SPTA1: variants seen among roughly 807,000 people sequenced by gnomAD.
SPTA1 encodes spectrin alpha, erythrocytic 1, also known as spectrin alpha chain, erythrocytic 1.
SPTA1 carries 177 observed loss-of-function variants against 324.7 expected under a neutral mutation model. The observed-to-expected ratio is 0.55, with a 90% CI of 0.48 to 0.62. The LOEUF (loss-of-function observed/expected upper bound fraction) is 0.62, where lower values mean the gene tolerates loss of function less well. SPTA1 is among the 20% of genes least tolerant of loss of function. The probability of loss-of-function intolerance (pLI) is 0.00; values close to 1 mark genes in which losing one functional copy is unlikely to be tolerated. For missense variants in SPTA1, 3,162 were observed against 2,883.6 expected (o/e 1.10, Z -2.21); for synonymous variants, 1,195 against 1,041.3 (o/e 1.15, Z -2.84).
In SPTA1 at chr1:158,626,893, C is replaced by G; in HGVS notation, c.5779G>C (p.Asp1927His). 6.2e-7 allele frequency: 1 copy of G among 1,613,856 alleles called. No individual in the cohort carries two copies. The highest frequency in any genetic ancestry group is 1.1e-5 in the South Asian group (1 of 91,084). ...IAAWKLQLED[D>H]YAFQEFNWKA... ...CAGTTGAATTCCTGAAAGGCATAAT[C>G]GTCTTCCAATTGCAACTTCCAAGCA... Residue 1927 changes from aspartate to histidine, a missense_variant, in exon 41 of 52, where the codon GAT becomes CAT. Transcript: ENST00000643759.
rs187965725 is a variant in SPTA1, at chr1:158,684,321, G to T, written c.264+787C>A. On this transcript the variant is annotated intron_variant, in intron 2 of 51. Coordinates refer to ENST00000643759, the MANE Select transcript of SPTA1 (RefSeq NM_003126.4). ...ACTAAATTGGATTTTAGTTAACCTG[G>T]TTAACTCTTATATTTCTGAGAAGAG... 2.0e-4 allele frequency among the ~76,000 whole-genome samples: 31 copies of T among 152,074 alleles called. No individual in the cohort carries two copies. In the East Asian group the frequency reaches 5.6e-3, roughly 28 times the overall value.
chr1:158,683,318 C>T (rs1246510809), intron 3 of SPTA1, 53 bp downstream of exon 3: 7 of 1,611,060 alleles, frequency 4.3e-6, no homozygotes, highest in Middle Eastern at 1.6e-4. Context: ...TCAGTTAAAA[C>T]CCTGATAACA....
In SPTA1 at chr1:158,668,011, C is replaced by G; in HGVS notation, c.1885G>C (p.Glu629Gln). ...AGCTGGGTCTTATTAACTGCCAACT[C>G]CTTTTCAAAGACTTGCTGCTTTTGA... ...RVQKQQVFEK[E>Q]LAVNKTQLEN... Residue 629 changes from glutamate to glutamine, a missense_variant, in exon 15 of 52, where the codon GAG becomes CAG. Transcript: ENST00000643759. The G allele has an allele frequency of 6.2e-7, 1 of 1,613,360 alleles. No homozygotes were observed. The highest frequency in any genetic ancestry group is 8.5e-7 in the Non-Finnish European group (1 of 1,179,918).
At position 158,686,641 on chromosome 1, in the gene SPTA1, G is replaced by GTA; in HGVS notation, c.-125_-124insTA. 7 of 693,234 alleles carry GTA rather than the reference G, an allele frequency of 1.0e-5. No homozygotes were observed. The highest frequency in any genetic ancestry group is 5.4e-5 in the East Asian group (2 of 36,802). The allele number at this position is 693,234 out of a possible 1,614,324, so 42.9% of individuals were successfully genotyped here. A position where few individuals can be genotyped will look rare whatever the true frequency, so the allele number is the denominator to read the frequency against. On this transcript the variant is annotated 5_prime_UTR_variant, in exon 1 of 52. The change abolishes the stop of an existing upstream ORF in the 5' untranslated region. Coordinates refer to ENST00000643759, the MANE Select transcript of SPTA1 (RefSeq NM_003126.4). Reference sequence around the variant, plus strand: ...AATATAGAAACGTTAAGTATGTGGGGGAAAAAAAAAAACCTCTTGCTTGGT... The same window carrying GTA: ...AATATAGAAACGTTAAGTATGTGGGGTAGAAAAAAAAAAACCTCTTGCTTGGT...
chr1:158,659,652 G>A (rs1298252738), intron 18 of SPTA1, among the ~76,000 whole-genome samples: 2 of 104,218 alleles, frequency 1.9e-5, no homozygotes, highest in South Asian at 3.6e-4. Flanking sequence ...CGCCCAGGCC[G>A]GACTGCGGAC....
At chr1:158,683,984 C>A (rs1279192951) in intron 2 of SPTA1, among the ~76,000 whole-genome samples, 1 of 151,646 alleles carries the variant, frequency 6.6e-6, no homozygotes, top group East Asian at 1.9e-4. Flanking sequence ...ATTATGACAA[C>A]ACCACATGCT....
At chr1:158,637,676 T>C (rs1557941577) in intron 36 of SPTA1, among the ~76,000 whole-genome samples, 1 of 152,210 alleles carries the variant, frequency 6.6e-6, no homozygotes, top group Non-Finnish European at 1.5e-5. Flanking sequence ...TCATATAAGA[T>C]ATACTGGATA....
chr1:158,619,126 C>T (rs7553252), intron 45 of SPTA1, 96 bp downstream of exon 45: 1 of 1,187,592 alleles, frequency 8.4e-7, no homozygotes, highest in Non-Finnish European at 1.3e-6. Flanking sequence ...AATACATGCT[C>T]TCAGAGTCTC....
At chr1:158,662,046 C>T (rs1297443129) in intron 17 of SPTA1, among the ~76,000 whole-genome samples, 2 of 152,184 alleles carry the variant, frequency 1.3e-5, no homozygotes, top group Non-Finnish European at 2.9e-5. Flanking sequence ...TTCTTTCTTA[C>T]TACTTCCCAT....
At chr1:158,680,199 A>G (rs967835613) in intron 5 of SPTA1, among the ~76,000 whole-genome samples, 68 of 152,304 alleles carry the variant, frequency 4.5e-4, no homozygotes, top group African/African-American at 1.6e-3. Context: ...TGATAGCTCA[A>G]CATTATTTTA....
At chr1:158,661,176 A>G in intron 18 of SPTA1, 111 bp downstream of exon 18, 2 of 1,546,548 alleles carry the variant, frequency 1.3e-6, no homozygotes, top group Non-Finnish European at 1.8e-6. Context: ...ATTAAGTGGG[A>G]AAATGAGTCA....
intron 20 of SPTA1, among the ~76,000 whole-genome samples, chr1:158,656,185 A>G (rs1024611203): frequency 1.3e-5 from 2 of 152,188 alleles, no homozygotes; most frequent in Non-Finnish European, 2.9e-5. Flanking sequence ...TCATACTTAC[A>G]TATAGTAGAC....
chr1:158,665,806 G>A (rs1371633961), intron 16 of SPTA1, among the ~76,000 whole-genome samples: 2 of 152,078 alleles, frequency 1.3e-5, no homozygotes, highest in African/African-American at 4.8e-5. Context: ...ACCTGAACAG[G>A]AAAAGACAAC....
chr1:158,615,693 C>G (rs1332719493), intron 47 of SPTA1, among the ~76,000 whole-genome samples: 1 of 135,226 alleles, frequency 7.4e-6, no homozygotes, highest in Non-Finnish European at 1.6e-5. Context: ...TTCTTTCTAT[C>G]TATCATCTAT....
chr1:158,678,362 A>T (rs1654545795), intron 6 of SPTA1, 39 bp downstream of exon 6: 1 of 1,612,890 alleles, frequency 6.2e-7, no homozygotes, highest in African/African-American at 1.3e-5. Flanking sequence ...TTTATAAAGC[A>T]CTTCAAAGTT....
chr1:158,669,965 T>C (rs1653894151), intron 12 of SPTA1, among the ~76,000 whole-genome samples, 179 bp from the exon 13 acceptor site: 1 of 152,156 alleles, frequency 6.6e-6, no homozygotes, highest in Non-Finnish European at 1.5e-5. Flanking sequence ...AATATATACC[T>C]CAGGGCATGT....
intron 13 of SPTA1, 30 bp downstream of exon 13, chr1:158,669,679 C>T (rs1239269429): frequency 6.2e-7 from 1 of 1,613,814 alleles, no homozygotes; most frequent in Non-Finnish European, 8.5e-7. Flanking sequence ...AGTGTGTAGG[C>T]ACACAGAAGC....
chr1:158,661,930 T>A (rs1161830219), intron 17 of SPTA1, among the ~76,000 whole-genome samples: 1 of 152,214 alleles, frequency 6.6e-6, no homozygotes, highest in Admixed American at 6.5e-5. Flanking sequence ...AAACAATAAA[T>A]ACTTCTCACT....
In SPTA1 at chr1:158,656,577, G is replaced by C. The variant is rs1425711823; in HGVS notation, c.2885C>G (p.Ala962Gly). Residue 962 changes from alanine to glycine, a missense_variant, in exon 20 of 52, where the codon GCA becomes GGA. Ala to Gly is a moderately conservative substitution (Grantham distance 60). Transcript: ENST00000643759. ...GDSMKALRNQ[A>G]NACQQQQAAP... ...AGTTAGTCTTACCTGGCAGGCGTTT[G>C]CCTGATTCCGCAGAGCTTTCATACT... 6.2e-6 allele frequency: 10 copies of C among 1,613,700 alleles called. No homozygotes were observed. In the East Asian group the frequency reaches 1.6e-4, roughly 25 times the overall value.
Sources: gnomAD v4.1 joint callset for allele counts (sites outside exome capture counted in the v4.1 genomes callset) on GRCh38, gnomAD v4.1.1 for gene constraint, MANE v1.5 for transcripts, NCBI Gene and HGNC (gene_info 2026-07-23, HGNC 2026-07-21) for gene names.